Variants in PSD observed in about 807,000 individuals in gnomAD.
PSD encodes PH and SEC7 domain-containing protein 1.
Under a neutral mutation model 91.6 loss-of-function variants are expected in PSD, and 32 were observed. The ratio of observed to expected loss-of-function variants is 0.35; its 90% confidence interval spans 0.26 to 0.47. PSD has a LOEUF of 0.47. Among genes scored for constraint, PSD ranks in the 20% least tolerant of loss-of-function variants. The pLI is 1.00. For synonymous variants in PSD, 532 were observed against 569.3 expected (o/e 0.93, Z 0.93); for missense variants, 1,099 against 1,373.9 (o/e 0.80, Z 3.16).
Position 102,403,207 on chromosome 10 carries a change from T to C in PSD, c.3068A>G (p.Lys1023Arg). The C allele has an allele frequency of 6.4e-7, 1 of 1,560,952 alleles. No homozygotes were observed. The highest frequency in any genetic ancestry group is 1.2e-5 in the South Asian group (1 of 83,170). The change falls in exon 17 of 17, where the codon AAG (lysine) becomes AGG (arginine). Residue 1023 changes from lysine (K) to arginine (R), a missense_variant. Around this residue, in one of 3 missense-constraint regions of PSD, gnomAD observed 358 missense variants for 426.5 expected, o/e 0.84. Transcript: ENST00000020673. This position sits in a 1 kb window ranked among gnomAD's most constrained non-coding sequence, Gnocchi z 6.7. ...CCCACCCTAAACCTCATCTCAGGGCTTCCGCCGCCCACTGCCTGCCCCTGG... is the reference window on the plus strand; with the variant it reads ...CCCACCCTAAACCTCATCTCAGGGCCTCCGCCGCCCACTGCCTGCCCCTGG... ...PRPGAGSGRR[K>R]P
chr10:102,409,336 G>T lies in PSD; in HGVS notation c.2091+1522C>A, dbSNP rs2061401342. Reference sequence around the variant, plus strand: ...GGGAAAGGGAGGGCGAGGGCTGGGGGCGGGGACCGCATGAAATGGAGGCGC... The same window carrying T: ...GGGAAAGGGAGGGCGAGGGCTGGGGTCGGGGACCGCATGAAATGGAGGCGC... On this transcript the variant is annotated intron_variant, in intron 10 of 16. Coordinates refer to ENST00000020673, the MANE Select transcript of PSD (RefSeq NM_002779.5). The surrounding 1 kb of genome is among the most constrained non-coding windows in gnomAD (Gnocchi z 5.7). 1 of 985,294 alleles carries T rather than the reference G, an allele frequency of 1.0e-6. No individual in the cohort carries two copies. 61.0% of individuals were successfully genotyped at this position (985,294 alleles called of 1,614,324 possible). A position where few individuals can be genotyped will look rare whatever the true frequency, so the allele number is the denominator to read the frequency against.
chr10:102,418,459 C>A (rs1013306971), intron 1 of PSD, among the ~76,000 whole-genome samples: 4 of 152,116 alleles, frequency 2.6e-5, no homozygotes, highest in African/African-American at 9.7e-5. Context: ...TCCCCTCCCC[C>A]CCACCTACTG....
chr10:102,410,715 G>T lies in PSD; in HGVS notation c.2091+143C>A. 1.4e-6 allele frequency: 1 copy of T among 698,084 alleles called. No homozygotes were observed. The highest frequency in any genetic ancestry group is 2.6e-6 in the Non-Finnish European group (1 of 390,750). 43.2% of individuals were successfully genotyped at this position (698,084 alleles called of 1,614,324 possible). ...CTGGGGAGGGGGCGGTCCCCAGGCTGAGTCACGAGAGCCCGGGCTTCCGTG... is the reference window on the plus strand; with the variant it reads ...CTGGGGAGGGGGCGGTCCCCAGGCTTAGTCACGAGAGCCCGGGCTTCCGTG... On this transcript the variant is annotated intron_variant, in intron 10 of 16. Coordinates refer to ENST00000020673, the MANE Select transcript of PSD (RefSeq NM_002779.5). The surrounding 1 kb of genome is among the most constrained non-coding windows in gnomAD (Gnocchi z 6.0).
rs1233614678 is a variant in PSD, at chr10:102,405,533, G to A, written c.2139C>T (p.Asp713=). ...ACAGAGAGCGTCTCAGCTCCTCCTC[G>A]TCTCTGCAGGTGTGATCACCTCAGA... ...IKNEKLQWAI[D]EEELRRSLSE... Residue 713 remains aspartate (D), a synonymous_variant, in exon 12 of 17, where the codon GAC becomes GAT. Coordinates refer to ENST00000020673, the MANE Select transcript of PSD (RefSeq NM_002779.5). The surrounding 1 kb of genome is among the most constrained non-coding windows in gnomAD (Gnocchi z 5.4). The A allele has an allele frequency of 4.3e-6, 7 of 1,612,400 alleles. No homozygotes were observed. The highest frequency in any genetic ancestry group is 1.1e-5 in the South Asian group (1 of 91,034).
intron 8 of PSD, 113 bp from the exon 9 acceptor site, chr10:102,411,229 C>T: frequency 1.1e-6 from 1 of 946,114 alleles, no homozygotes; most frequent in Non-Finnish European, 1.6e-6. Context: ...CTTCCTACCT[C>T]CTGAACCCCG....
At position 102,414,903 on chromosome 10, in the gene PSD, C is replaced by T. The variant is rs1276986579; in HGVS notation, c.1084G>A (p.Asp362Asn). 1 of 1,508,398 alleles carries T rather than the reference C, an allele frequency of 6.6e-7. No homozygotes were observed. Among genetic ancestry groups the T allele is most frequent in the African/African-American group, 1.4e-5 (1 of 72,322 alleles). The allele number at this position is 1,508,398 out of a possible 1,614,324, so 93.4% of individuals were successfully genotyped here. ...EDDDEAGGEE[D>N]VDDEVFEASE... is the part of the protein sequence containing the mutation. ...GCCTCAAACACCTCGTCGTCCACAT[C>T]TTCTTCCCCACCTGCCTCATCGTCG... The change falls in exon 4 of 17, where the codon GAT (aspartate) becomes AAT (asparagine). Residue 362 changes from aspartate to asparagine, a missense_variant. Asp to Asn is a conservative substitution (Grantham distance 23, BLOSUM62 1). This residue lies in a region of PSD where 631 missense variants were observed against 728.8 expected (regional missense o/e 0.87). Coordinates refer to ENST00000020673, the MANE Select transcript of PSD (RefSeq NM_002779.5). The surrounding 1 kb of genome is among the most constrained non-coding windows in gnomAD (Gnocchi z 5.6).
At position 102,411,117 on chromosome 10, in the gene PSD, CT is replaced by C; in HGVS notation, c.1943-2del. On this transcript the variant is annotated splice_acceptor_variant, in intron 8 of 16. Coordinates refer to ENST00000020673, the MANE Select transcript of PSD (RefSeq NM_002779.5). LOFTEE classifies it high-confidence loss of function. The stretch of plus-strand genomic sequence containing the variant: ...GCACAGGTCAGCGTGTGGGCGCCGT[CT>C]AGGGGAGAGCTGACTTTCAGCCTTG... 1 of 1,604,002 alleles carries C rather than the reference CT, an allele frequency of 6.2e-7. No homozygotes were observed. The highest frequency in any genetic ancestry group is 1.1e-5 in the South Asian group (1 of 90,698).
intron 11 of PSD, among the ~76,000 whole-genome samples, chr10:102,406,596 C>T (rs1290183899): frequency 6.6e-6 from 1 of 151,856 alleles, no homozygotes; most frequent in African/African-American, 2.4e-5. Flanking sequence ...CAAGCTCCAC[C>T]TCTCGGGTTC....
Position 102,409,418 on chromosome 10 carries a change from G to C in PSD, c.2091+1440C>G. On this transcript the variant is annotated intron_variant, in intron 10 of 16. Transcript: ENST00000020673. The surrounding 1 kb of genome is among the most constrained non-coding windows in gnomAD (Gnocchi z 5.7). ...CACGGGGAGGAGCCTGGGGAGGCCA[G>C]CGTGGGTGGCAGCTCCAGGGAGGCT... 1 of 881,538 alleles carries C rather than the reference G, an allele frequency of 1.1e-6. No homozygotes were observed. Among genetic ancestry groups the C allele is most frequent in the African/African-American group, 1.8e-5 (1 of 55,342 alleles). The allele number at this position is 881,538 out of a possible 1,614,324, so 54.6% of individuals were successfully genotyped here. A position where few individuals can be genotyped will look rare whatever the true frequency, so the allele number is the denominator to read the frequency against.
Position 102,404,803 on chromosome 10 carries a change from G to T in PSD, c.2556-76C>A. On this transcript the variant is annotated intron_variant, in intron 14 of 16. Coordinates refer to ENST00000020673, the MANE Select transcript of PSD (RefSeq NM_002779.5). The surrounding 1 kb of genome is among the most constrained non-coding windows in gnomAD (Gnocchi z 5.7). ...AGGATGCCAGTCCTGGCTCAAGTGT[G>T]GCCTGAGAAGGAATGAAAAAATCCA... 1 of 1,567,726 alleles carries T rather than the reference G, an allele frequency of 6.4e-7. No homozygotes were observed. The highest frequency in any genetic ancestry group is 8.7e-7 in the Non-Finnish European group (1 of 1,155,126).
rs1412666093 is a variant in PSD at position 102,410,409 on chromosome 10, C to T, written c.2091+449G>A. ...CTTAGTCCCTCTCAGGCCCCTCTCC[C>T]TCCGGGTTCCTGCAGCGCAGCAGCA... On this transcript the variant is annotated intron_variant, in intron 10 of 16. Coordinates refer to ENST00000020673, the MANE Select transcript of PSD (RefSeq NM_002779.5). The surrounding 1 kb of genome is among the most constrained non-coding windows in gnomAD (Gnocchi z 6.0). Among the ~76,000 whole-genome samples, 1 of 152,258 alleles carries T rather than the reference C, an allele frequency of 6.6e-6. No individual in the cohort carries two copies. The highest frequency in any genetic ancestry group is 6.5e-5 in the Admixed American group (1 of 15,292).
intron 8 of PSD, among the ~76,000 whole-genome samples, chr10:102,411,355 G>T (rs1273718254): frequency 6.6e-6 from 1 of 151,820 alleles, no homozygotes; most frequent in Non-Finnish European, 1.5e-5. Context: ...TTGCCCCAAC[G>T]TTCCCTTGCC....
At position 102,403,886 on chromosome 10, in the gene PSD, CCTTGCCCCGGCCCTT is replaced by C; in HGVS notation, c.2785_2799del (p.Lys929_Lys933del). 1 of 1,607,972 alleles carries C rather than the reference CCTTGCCCCGGCCCTT, an allele frequency of 6.2e-7. No individual in the cohort carries two copies. The highest frequency in any genetic ancestry group is 8.5e-7 in the Non-Finnish European group (1 of 1,177,282). ...TCCTTCTGCCGCTGCTCTTCAGCCT[CCTTGCCCCGGCCCTT>C]CTTGCCCAGCTGGGCGGCCCGGTGC... On this transcript the variant is annotated inframe_deletion, in exon 16 of 17. Coordinates refer to ENST00000020673, the MANE Select transcript of PSD (RefSeq NM_002779.5). The surrounding 1 kb of genome is among the most constrained non-coding windows in gnomAD (Gnocchi z 6.7).
In PSD at chr10:102,416,171, G is replaced by T; in HGVS notation, c.655-52C>A. 7.1e-7 allele frequency: 1 copy of T among 1,409,932 alleles called. No homozygotes were observed. The highest frequency in any genetic ancestry group is 9.9e-7 in the Non-Finnish European group (1 of 1,009,630). 87.3% of individuals were successfully genotyped at this position (1,409,932 alleles called of 1,614,324 possible). A position where few individuals can be genotyped will look rare whatever the true frequency, so the allele number is the denominator to read the frequency against. ...CCCAGAGATAAAGCCAGACATACAAGGACACAAGAATATGGGACAGAAACA... is the reference window on the plus strand; with the variant it reads ...CCCAGAGATAAAGCCAGACATACAATGACACAAGAATATGGGACAGAAACA... On this transcript the variant is annotated intron_variant, in intron 2 of 16. Transcript: ENST00000020673. The surrounding 1 kb of genome is among the most constrained non-coding windows in gnomAD (Gnocchi z 6.0).
chr10:102,416,891 C>G lies in PSD; in HGVS notation c.148G>C (p.Val50Leu). 6.2e-7 allele frequency: 1 copy of G among 1,607,192 alleles called. No individual in the cohort carries two copies. The highest frequency in any genetic ancestry group is 8.5e-7 in the Non-Finnish European group (1 of 1,177,796). Residue 50 changes from valine (V) to leucine (L), a missense_variant, in exon 2 of 17, where the codon GTG (valine) becomes CTG (leucine). Physicochemically the swap from Val to Leu is conservative, Grantham distance 32. Coordinates refer to ENST00000020673, the MANE Select transcript of PSD (RefSeq NM_002779.5). This position sits in a 1 kb window ranked among gnomAD's most constrained non-coding sequence, Gnocchi z 6.0. ...CGGCCTCGAGGACCTGGACCTGCCA[C>G]TCGCCGTAGCAAGGAGCCTGTGCTG... is the stretch of plus-strand genomic sequence containing the variant. The part of the protein sequence containing the change: ...YGSTGSLLRR[V>L]AGPGPRGREL...
Position 102,409,106 on chromosome 10 carries a change from G to A in PSD, c.2091+1752C>T. On this transcript the variant is annotated intron_variant, in intron 10 of 16. Coordinates refer to ENST00000020673, the MANE Select transcript of PSD (RefSeq NM_002779.5). The surrounding 1 kb of genome is among the most constrained non-coding windows in gnomAD (Gnocchi z 5.7). Reference sequence around the variant, plus strand: ...GACGCCGATCATGCTGGCCCGGCCGGCGCGCCGCGGCCCCCGGCCATGCCC... The same window carrying A: ...GACGCCGATCATGCTGGCCCGGCCGACGCGCCGCGGCCCCCGGCCATGCCC... 1.0e-6 allele frequency: 1 copy of A among 982,658 alleles called. No homozygotes were observed. Among genetic ancestry groups the A allele is most frequent in the Non-Finnish European group, 1.2e-6 (1 of 829,088 alleles). 60.9% of individuals were successfully genotyped at this position (982,658 alleles called of 1,614,324 possible).
chr10:102,414,065 G>A lies in PSD; in HGVS notation c.1257C>T (p.Ser419=), dbSNP rs865856300. The change falls in exon 5 of 17, where the codon TCC becomes TCT. Residue 419 remains serine (S), a synonymous_variant. Transcript: ENST00000020673. The surrounding 1 kb of genome is among the most constrained non-coding windows in gnomAD (Gnocchi z 5.6). The part of the protein sequence containing the change: ...ILESHRAKGT[S]YTSLASLEAL... ...CCTCCAGCGAGGCGAGGCTGGTATA[G>A]GAGGTGCCTTTGGCCCGGTGTGACT... The A allele has an allele frequency of 6.2e-7, 1 of 1,614,038 alleles. No individual in the cohort carries two copies. Among genetic ancestry groups the A allele is most frequent in the Admixed American group, 1.7e-5 (1 of 60,012 alleles).
In PSD at chr10:102,416,193, A is replaced by C; in HGVS notation, c.655-74T>G. On this transcript the variant is annotated intron_variant, in intron 2 of 16. Coordinates refer to ENST00000020673, the MANE Select transcript of PSD (RefSeq NM_002779.5). The surrounding 1 kb of genome is among the most constrained non-coding windows in gnomAD (Gnocchi z 6.0). ...CAAGGACACAAGAATATGGGACAGAAACAGAAATTAAAACATGCATCGACA... is the reference window on the plus strand; with the variant it reads ...CAAGGACACAAGAATATGGGACAGACACAGAAATTAAAACATGCATCGACA... 7.7e-7 allele frequency: 1 copy of C among 1,298,190 alleles called. No individual in the cohort carries two copies. The highest frequency in any genetic ancestry group is 1.1e-6 in the Non-Finnish European group (1 of 923,890). 80.4% of individuals were successfully genotyped at this position (1,298,190 alleles called of 1,614,324 possible). A position where few individuals can be genotyped will look rare whatever the true frequency, so the allele number is the denominator to read the frequency against.
At position 102,404,334 on chromosome 10, in the gene PSD, C is replaced by T. The variant is rs1009323892; in HGVS notation, c.2700+249G>A. The stretch of plus-strand genomic sequence containing the variant: ...CGGCACTCCCACCTGGGCAACAGAG[C>T]GAGACTCCATCTCAAAAAAAAAAAA... On this transcript the variant is annotated intron_variant, in intron 15 of 16. Transcript: ENST00000020673. This position sits in a 1 kb window ranked among gnomAD's most constrained non-coding sequence, Gnocchi z 5.7. 1.1e-4 allele frequency among the ~76,000 whole-genome samples: 15 copies of T among 140,492 alleles called. No homozygotes were observed. Among genetic ancestry groups the T allele is most frequent in the Admixed American group, 3.1e-4 (4 of 13,026 alleles). 92.2% of individuals were successfully genotyped at this position (140,492 alleles called of 152,430 possible).
Sources: gnomAD v4.1 joint callset for allele counts (sites outside exome capture counted in the v4.1 genomes callset) on GRCh38, gnomAD v4.1.1 for gene constraint, gnomAD v4.1.1 regional missense constraint, Gnocchi (gnomAD v3.1) non-coding constraint, MANE v1.5 for transcripts, NCBI Gene and HGNC (gene_info 2026-07-23, HGNC 2026-07-21) for gene names.